The following ANO6 variants were observed in gnomAD, a reference collection of about 807,000 sequenced individuals.
ANO6 encodes the protein anoctamin-6.
A neutral mutation model predicts 117.5 loss-of-function variants in ANO6; 106 were observed. The ratio of observed to expected loss-of-function variants is 0.90; its 90% CI spans 0.77 to 1.06. ANO6 has a LOEUF of 1.06. Ranked by LOEUF, ANO6 falls within the 50% of genes least tolerant of loss-of-function variation. ANO6 has a pLI of 0.00. For missense variants in ANO6, 955 were observed against 1,121.1 expected (o/e 0.85, Z 2.12); for synonymous variants, 367 against 385.1 (o/e 0.95, Z 0.55).
chr12:45,403,514 A>G lies in ANO6; in HGVS notation c.1858A>G (p.Asn620Asp), dbSNP rs760503677. The change falls in exon 15 of 20, where the codon AAC (asparagine) becomes GAC (aspartate). Residue 620 changes from asparagine (N) to aspartate (D), a missense_variant. Transcript: ENST00000320560. ...IIMGGKAIWN[N>D]IQEVLLPWIM... ...CATGGGAGGAAAAGCAATCTGGAATAACATACAAGAAGTATTATTGCCGTG... is the reference window on the plus strand; with the variant it reads ...CATGGGAGGAAAAGCAATCTGGAATGACATACAAGAAGTATTATTGCCGTG... 1.2e-6 allele frequency: 2 copies of G among 1,613,352 alleles called. No homozygotes were observed. The highest frequency in any genetic ancestry group is 2.7e-5 in the African/African-American group (2 of 75,036).
intron 2 of ANO6, among the ~76,000 whole-genome samples, chr12:45,321,708 G>A (rs999836310): frequency 6.6e-6 from 1 of 152,056 alleles, no homozygotes; most frequent in Non-Finnish European, 1.5e-5. Context: ...TTTTGTGTCA[G>A]TCATCTGTCA....
intron 1 of ANO6, among the ~76,000 whole-genome samples, chr12:45,255,881 C>T (rs542586807): frequency 1.4e-5 from 2 of 142,362 alleles, no homozygotes; most frequent in South Asian, 2.2e-4. Flanking sequence ...AGCGCAGTGG[C>T]GGGATCTCGG....
Position 45,229,477 on chromosome 12 carries a change from C to T in ANO6, c.70+13086C>T, listed in dbSNP as rs568924740. 2.8e-3 allele frequency among the ~76,000 whole-genome samples: 425 copies of T among 150,254 alleles called. 1 individual carries two copies. Among genetic ancestry groups the T allele is most frequent in the Non-Finnish European group, 5.1e-3 (343 of 67,722 alleles). ...TGATCTCAGCTCACTGCAACCTCCA[C>T]CTCCTGGGTTCAAGCGAGTCTCCTG... On this transcript the variant is annotated intron_variant, in intron 1 of 19. Coordinates refer to ENST00000320560, the MANE Select transcript of ANO6 (RefSeq NM_001025356.3).
chr12:45,420,937 A>AT, intron 17 of ANO6, 134 bp from the exon 18 acceptor site: 1 of 942,874 alleles, frequency 1.1e-6, no homozygotes, highest in Non-Finnish European at 1.7e-6. Flanking sequence ...AGGCAGGAGA[A>AT]TTTTTTGAAC....
At chr12:45,418,423 T>A (rs548400861) in intron 17 of ANO6, among the ~76,000 whole-genome samples, 1 of 152,248 alleles carries the variant, frequency 6.6e-6, no homozygotes, top group Admixed American at 6.5e-5. Context: ...TTTAGAAAAA[T>A]GGCAGTGAGG....
At chr12:45,398,917 T>C (rs547606157) in intron 12 of ANO6, among the ~76,000 whole-genome samples, 177 of 152,326 alleles carry the variant, frequency 1.2e-3, no homozygotes, top group African/African-American at 4.1e-3. Flanking sequence ...AAATCGGTCT[T>C]CAGTCGGTTT....
At position 45,388,274 on chromosome 12, in the gene ANO6, A is replaced by C. The variant is rs756419487; in HGVS notation, c.1279A>C (p.Thr427Pro). 1.9e-5 allele frequency: 30 copies of C among 1,614,008 alleles called. No homozygotes were observed. Among genetic ancestry groups the C allele is most frequent in the Non-Finnish European group, 2.5e-5 (30 of 1,179,996 alleles). Reference sequence around the variant, plus strand: ...CCGACCAGAATACGAAGCACGATGTACTCACGTAGTGATAAATGAGATTAC... The same window carrying C: ...CCGACCAGAATACGAAGCACGATGTCCTCACGTAGTGATAAATGAGATTAC... ...QARPEYEARC[T>P]HVVINEITQE... is the part of the protein sequence containing the mutation. Residue 427 changes from threonine to proline, a missense_variant, in exon 11 of 20, where the codon ACT (threonine) becomes CCT (proline). Thr to Pro is a conservative substitution (Grantham distance 38). Transcript: ENST00000320560.
At chr12:45,427,980 G>C (rs934884792) in intron 19 of ANO6, among the ~76,000 whole-genome samples, 2 of 148,774 alleles carry the variant, frequency 1.3e-5, no homozygotes, top group African/African-American at 5.0e-5. Flanking sequence ...CGAAGATGTA[G>C]AGCAACTGAA....
intron 1 of ANO6, among the ~76,000 whole-genome samples, chr12:45,274,906 C>T (rs148812469): frequency 6.7e-6 from 1 of 149,972 alleles, no homozygotes; most frequent in Non-Finnish European, 1.5e-5. Flanking sequence ...AGAGCTGTCA[C>T]CCCTGACTTA....
At chr12:45,228,314 T>A in intron 1 of ANO6, 1 of 306,114 alleles carries the variant, frequency 3.3e-6, no homozygotes, top group Non-Finnish European at 6.2e-6. Context: ...TTTTTTTTTT[T>A]TTTATTATTA....
intron 10 of ANO6, among the ~76,000 whole-genome samples, chr12:45,381,441 A>G (rs1455772437): frequency 6.6e-6 from 1 of 152,142 alleles, no homozygotes; most frequent in Non-Finnish European, 1.5e-5. Context: ...CGGAACAGAA[A>G]TTTCTGTCTG....
At chr12:45,437,996 A>G (rs546706928) in intron 19 of ANO6, among the ~76,000 whole-genome samples, 1 of 152,300 alleles carries the variant, frequency 6.6e-6, no homozygotes, top group South Asian at 2.1e-4. Context: ...AGCAAAAAAG[A>G]CCAGCGCAGT....
At chr12:45,316,447 A>G (rs7965430) in intron 2 of ANO6, among the ~76,000 whole-genome samples, 127,376 of 152,048 alleles carry the variant, frequency 0.84, 54,611 homozygotes, top group Non-Finnish European at 0.94. Flanking sequence ...TTCTAGGAAG[A>G]GGGAACTGCA....
intron 1 of ANO6, among the ~76,000 whole-genome samples, chr12:45,295,851 TTTTTTATTTTTA>T (rs1023154212): frequency 2.6e-5 from 4 of 151,788 alleles, no homozygotes; most frequent in Non-Finnish European, 4.4e-5. Flanking sequence ...CTTTTTAAAT[TTTTTTATTTTTA>T]TTTTTATTTT....
chr12:45,419,192 CTG>C (rs1372401345), intron 17 of ANO6, among the ~76,000 whole-genome samples: 30 of 152,272 alleles, frequency 2.0e-4, no homozygotes, highest in African/African-American at 6.7e-4. Flanking sequence ...AAATGGAAAA[CTG>C]TGTGCAGAAC....
At chr12:45,391,266 GT>G (rs1259649018) in intron 12 of ANO6, among the ~76,000 whole-genome samples, 5 of 152,186 alleles carry the variant, frequency 3.3e-5, no homozygotes, top group African/African-American at 9.6e-5. Context: ...CACATTTTCT[GT>G]AAAATATCAG....
At position 45,394,689 on chromosome 12, in the gene ANO6, C is replaced by T. The variant is rs145181167; in HGVS notation, c.1386+4191C>T. Among the ~76,000 whole-genome samples, 496 of 152,322 alleles carry T rather than the reference C, an allele frequency of 3.3e-3. 2 individuals are homozygous for T. Among genetic ancestry groups the T allele is most frequent in the Admixed American group, 8.0e-3 (122 of 15,298 alleles). On this transcript the variant is annotated intron_variant, in intron 12 of 19. Transcript: ENST00000320560. ...CAAACTAGAACTCAGGATTAAGAAACTCATTCAAAACTGCACAACTACATG... is the reference window on the plus strand; with the variant it reads ...CAAACTAGAACTCAGGATTAAGAAATTCATTCAAAACTGCACAACTACATG...
At chr12:45,233,963 A>G (rs1947610644) in intron 1 of ANO6, among the ~76,000 whole-genome samples, 1 of 152,232 alleles carries the variant, frequency 6.6e-6, no homozygotes, top group South Asian at 2.1e-4. Context: ...TATTGGAACT[A>G]TAAGAATATC....
chr12:45,407,426 G>A (rs1289669558), intron 15 of ANO6, among the ~76,000 whole-genome samples: 2 of 137,758 alleles, frequency 1.5e-5, no homozygotes, highest in Non-Finnish European at 3.0e-5. Flanking sequence ...AGTGACCTTA[G>A]AGTTCGGTGT....
Sources: allele counts gnomAD v4.1 joint callset (sites outside exome capture counted in the v4.1 genomes callset), GRCh38; gene constraint gnomAD v4.1.1; transcripts MANE v1.5; gene names NCBI Gene and HGNC (gene_info 2026-07-23, HGNC 2026-07-21).